EEPD1: variants seen among roughly 807,000 people sequenced by gnomAD.
The protein encoded by EEPD1 is endonuclease/exonuclease/phosphatase family domain-containing protein 1.
A neutral mutation model predicts 46.3 loss-of-function variants in EEPD1; 17 were observed. That is an observed-to-expected ratio of 0.37 (90% confidence interval 0.25 to 0.55). EEPD1 has a LOEUF of 0.55. EEPD1 is among the 20% of genes least tolerant of loss of function. The pLI is 0.83. For synonymous variants in EEPD1, 313 were observed against 315.6 expected, an observed-to-expected ratio of 0.99 and a Z score of 0.09; for missense variants, 673 against 745.6, an observed-to-expected ratio of 0.90 and a Z score of 1.13.
intron 2 of EEPD1, among the ~76,000 whole-genome samples, chr7:36,213,433 T>TTGAAA (rs1282707713): frequency 3.3e-5 from 5 of 152,206 alleles, no homozygotes; most frequent in African/African-American, 1.2e-4. Flanking sequence ...CGAGGCACTG[T>TTGAAA]AGTTAGAGGC....
chr7:36,198,662 A>G (rs1468211670), intron 2 of EEPD1, among the ~76,000 whole-genome samples: 1 of 152,220 alleles, frequency 6.6e-6, no homozygotes, highest in African/African-American at 2.4e-5. Flanking sequence ...CTGAAAATCG[A>G]AAGTTTTAAA....
At chr7:36,294,006 A>C (rs558701866) in intron 6 of EEPD1, among the ~76,000 whole-genome samples, 1 of 152,052 alleles carries the variant, frequency 6.6e-6, no homozygotes, top group Non-Finnish European at 1.5e-5. Flanking sequence ...AAGCACATCC[A>C]TCTCCAGGAT....
intron 2 of EEPD1, among the ~76,000 whole-genome samples, chr7:36,171,752 T>C (rs76026033): frequency 6.9e-4 from 105 of 152,344 alleles, no homozygotes; most frequent in East Asian, 2.3e-3. Flanking sequence ...CAGTTGGCCA[T>C]ATACTGCCTC....
chr7:36,219,802 AGAGAGTGT>A (rs1425153565), intron 2 of EEPD1, among the ~76,000 whole-genome samples: 2 of 67,322 alleles, frequency 3.0e-5, no homozygotes, highest in South Asian at 6.4e-4. Flanking sequence ...AGAGAGAGAG[AGAGAGTGT>A]GTGTGTGTGT....
intron 3 of EEPD1, among the ~76,000 whole-genome samples, chr7:36,241,103 A>G (rs1009552157): frequency 5.3e-5 from 8 of 152,158 alleles, no homozygotes; most frequent in African/African-American, 1.9e-4. Context: ...ATGTTCTTGA[A>G]ACTTTTCTAG....
At chr7:36,173,690 G>A (rs1205286013) in intron 2 of EEPD1, among the ~76,000 whole-genome samples, 1 of 152,172 alleles carries the variant, frequency 6.6e-6, no homozygotes, top group African/African-American at 2.4e-5. Flanking sequence ...ATAGCAGTGT[G>A]AAAATCAACC....
intron 3 of EEPD1, among the ~76,000 whole-genome samples, chr7:36,272,507 T>TTGTTG (rs759464638): frequency 1.3e-5 from 1 of 78,972 alleles, no homozygotes; most frequent in African/African-American, 6.3e-5. Flanking sequence ...TTTGTTGTTG[T>TTGTTG]TTTTTTTTTT....
At chr7:36,208,009 C>T (rs1336018544) in intron 2 of EEPD1, among the ~76,000 whole-genome samples, 1 of 152,020 alleles carries the variant, frequency 6.6e-6, no homozygotes, top group East Asian at 1.9e-4. Context: ...GCCTGCGGCC[C>T]TCCAGGAACG....
chr7:36,170,821 T>C (rs1257178571), intron 2 of EEPD1, among the ~76,000 whole-genome samples: 1 of 152,218 alleles, frequency 6.6e-6, no homozygotes, highest in Non-Finnish European at 1.5e-5. Flanking sequence ...GTCCAATGTT[T>C]AAGTGTCCTT....
chr7:36,213,079 C>T lies in EEPD1; in HGVS notation c.879-25906C>T, dbSNP rs545696608. 3.3e-5 allele frequency among the ~76,000 whole-genome samples: 5 copies of T among 152,116 alleles called. No homozygotes were observed. In the East Asian group the frequency reaches 5.8e-4, roughly 18 times the overall value. Reference sequence around the variant, plus strand: ...GAGGCAGGAGAATGGCTTGTACCTGCGAGGCGGAGGTTGCAGTGAGCCCAG... The same window carrying T: ...GAGGCAGGAGAATGGCTTGTACCTGTGAGGCGGAGGTTGCAGTGAGCCCAG... On this transcript the variant is annotated intron_variant, in intron 2 of 7. Coordinates refer to ENST00000242108, the MANE Select transcript of EEPD1 (RefSeq NM_030636.3).
intron 2 of EEPD1, among the ~76,000 whole-genome samples, chr7:36,220,084 A>C (rs914409344): frequency 3.3e-5 from 5 of 152,038 alleles, no homozygotes; most frequent in African/African-American, 1.2e-4. Context: ...GAGGATGGGG[A>C]TGCTGTCCCC....
chr7:36,271,841 ATTCTATTC>A (rs1378319165), intron 3 of EEPD1, among the ~76,000 whole-genome samples: 2 of 57,878 alleles, frequency 3.5e-5, no homozygotes, highest in Admixed American at 3.7e-4. Context: ...ATTCTATTCT[ATTCTATTC>A]TATTCTATTC....
intron 5 of EEPD1, 61 bp downstream of exon 5, chr7:36,284,881 G>T: frequency 7.0e-7 from 1 of 1,426,588 alleles, no homozygotes; most frequent in Non-Finnish European, 9.2e-7. Context: ...GAAAGAAAAG[G>T]GCTCATTTTG....
intron 6 of EEPD1, among the ~76,000 whole-genome samples, chr7:36,295,724 C>G (rs1384897915): frequency 6.6e-6 from 1 of 152,084 alleles, no homozygotes; most frequent in Admixed American, 6.5e-5. Flanking sequence ...CATGAGGACT[C>G]TCTATAGTTC....
At chr7:36,205,573 G>T (rs1346566503) in intron 2 of EEPD1, among the ~76,000 whole-genome samples, 1 of 152,204 alleles carries the variant, frequency 6.6e-6, no homozygotes, top group Non-Finnish European at 1.5e-5. Flanking sequence ...TGCAGGTTTT[G>T]GGTCCCAGCG....
At chr7:36,263,921 C>T (rs2115835488) in intron 3 of EEPD1, among the ~76,000 whole-genome samples, 1 of 152,258 alleles carries the variant, frequency 6.6e-6, no homozygotes, top group East Asian at 1.9e-4. Context: ...GAGGAAGTAA[C>T]AAGTATTTTT....
Position 36,261,242 on chromosome 7 carries a change from C to T in EEPD1, c.931-19873C>T, listed in dbSNP as rs113028198. ...TTTATTTGTTGCTATGAGTCATGGT[C>T]CAGAATGTTTGAAAGTTGCTGTTCC... is the stretch of plus-strand genomic sequence containing the variant. On this transcript the variant is annotated intron_variant, in intron 3 of 7. Transcript: ENST00000242108. Among the ~76,000 whole-genome samples, 1,341 of 152,210 alleles carry T rather than the reference C, an allele frequency of 8.8e-3. 19 individuals are homozygous for T. Among genetic ancestry groups the T allele is most frequent in the African/African-American group, 0.031 (1,301 of 41,508 alleles).
At chr7:36,294,817 T>G (rs963639851) in intron 6 of EEPD1, among the ~76,000 whole-genome samples, 3 of 152,190 alleles carry the variant, frequency 2.0e-5, no homozygotes, top group African/African-American at 7.2e-5. Context: ...TCGTTTCTGA[T>G]GCCGTTCTCT....
intron 3 of EEPD1, among the ~76,000 whole-genome samples, chr7:36,255,669 G>T (rs987274972): frequency 6.6e-6 from 1 of 152,172 alleles, no homozygotes; most frequent in African/African-American, 2.4e-5. Context: ...GGGATCAGTG[G>T]TGATATCCCC....
Sources: gnomAD v4.1 joint callset for allele counts (sites outside exome capture counted in the v4.1 genomes callset) on GRCh38, gnomAD v4.1.1 for gene constraint, MANE v1.5 for transcripts, NCBI Gene and HGNC (gene_info 2026-07-23, HGNC 2026-07-21) for gene names.